The following RABGAP1 variants were observed in gnomAD, a reference collection of about 807,000 sequenced individuals.
The protein encoded by RABGAP1 is RAB GTPase activating protein 1, also known as rab GTPase-activating protein 1.
RABGAP1 carries 23 observed loss-of-function variants against 137.6 expected under a neutral mutation model. The ratio of observed to expected loss-of-function variants is 0.17; its 90% CI spans 0.12 to 0.24. The LOEUF (loss-of-function observed/expected upper bound fraction) is 0.24. Among genes scored for constraint, RABGAP1 ranks in the 10% least tolerant of loss-of-function variants. RABGAP1 has a pLI of 1.00. For synonymous variants in RABGAP1, 451 were observed against 450.7 expected (o/e 1.00, Z -0.01); for missense variants, 906 against 1,275.8 (o/e 0.71, Z 4.42).
intron 13 of RABGAP1, among the ~76,000 whole-genome samples, chr9:123,057,698 A>G (rs1349371026): frequency 6.6e-6 from 1 of 152,190 alleles, no homozygotes; most frequent in African/African-American, 2.4e-5. Flanking sequence ...GGGCCAAGGC[A>G]GGCAGCTGGT....
At chr9:123,074,643 C>A (rs1228788564) in intron 17 of RABGAP1, among the ~76,000 whole-genome samples, 1 of 152,192 alleles carries the variant, frequency 6.6e-6, no homozygotes, top group Non-Finnish European at 1.5e-5. Flanking sequence ...CTGAATTAGA[C>A]ATTTGTATTA....
At chr9:123,085,532 A>G (rs2034837264) in intron 19 of RABGAP1, among the ~76,000 whole-genome samples, 1 of 152,218 alleles carries the variant, frequency 6.6e-6, no homozygotes, top group Non-Finnish European at 1.5e-5. Context: ...TTGAATTTCA[A>G]ATTTAATTTT....
intron 21 of RABGAP1, 40 bp from the exon 22 acceptor site, chr9:123,097,701 C>A (rs747086961): frequency 1.9e-6 from 3 of 1,545,706 alleles, no homozygotes; most frequent in Admixed American, 3.9e-5. Flanking sequence ...TTTGCAGTTC[C>A]CAATTCTTGT....
chr9:123,051,309 G>A (rs113573415), intron 13 of RABGAP1, among the ~76,000 whole-genome samples: 40 of 127,448 alleles, frequency 3.1e-4, no homozygotes, highest in African/African-American at 1.0e-3. Context: ...GTGCAATGGC[G>A]CGATCTTGGC....
intron 19 of RABGAP1, among the ~76,000 whole-genome samples, chr9:123,081,216 TTA>T (rs2034695943): frequency 6.6e-6 from 1 of 152,222 alleles, no homozygotes; most frequent in Non-Finnish European, 1.5e-5. Flanking sequence ...TTAATTGACT[TTA>T]TGTTTTCATT....
At chr9:123,036,201 A>G (rs528434474) in intron 13 of RABGAP1, among the ~76,000 whole-genome samples, 63 of 152,364 alleles carry the variant, frequency 4.1e-4, no homozygotes, top group South Asian at 8.3e-4. Context: ...AGTAGGGTGA[A>G]TAATGTGAAC....
At chr9:122,956,838 T>G (rs1433374776) in intron 1 of RABGAP1, among the ~76,000 whole-genome samples, 173 bp from the exon 2 acceptor site, 1 of 152,064 alleles carries the variant, frequency 6.6e-6, no homozygotes, top group Non-Finnish European at 1.5e-5. Flanking sequence ...AGCATGAAAT[T>G]CCCTTATTAT....
At chr9:123,029,224 G>A in intron 13 of RABGAP1, 1 of 440,228 alleles carries the variant, frequency 2.3e-6, no homozygotes, top group African/African-American at 2.0e-5. Flanking sequence ...ATGAGTCAAA[G>A]TATCTCAAAT....
intron 2 of RABGAP1, among the ~76,000 whole-genome samples, chr9:122,973,081 T>A (rs1835555533): frequency 6.6e-6 from 1 of 152,028 alleles, no homozygotes; most frequent in African/African-American, 2.4e-5. Flanking sequence ...CATATCAAAA[T>A]GTGAGAACTT....
At chr9:123,080,692 A>T (rs1219124346) in intron 19 of RABGAP1, among the ~76,000 whole-genome samples, 1 of 152,098 alleles carries the variant, frequency 6.6e-6, no homozygotes, top group East Asian at 1.9e-4. Flanking sequence ...AGTCCATTAG[A>T]CCTCGAAAGG....
At chr9:123,059,059 A>G (rs1051520866) in intron 13 of RABGAP1, among the ~76,000 whole-genome samples, 4 of 152,230 alleles carry the variant, frequency 2.6e-5, no homozygotes, top group Admixed American at 6.5e-5. Flanking sequence ...TGAAGTGGTC[A>G]GTATGAAGGA....
At chr9:122,972,344 AT>A (rs1490928511) in intron 2 of RABGAP1, among the ~76,000 whole-genome samples, 2 of 152,130 alleles carry the variant, frequency 1.3e-5, no homozygotes, top group Non-Finnish European at 2.9e-5. Context: ...ATTTCTCTTG[AT>A]TTTGTGGATT....
intron 10 of RABGAP1, among the ~76,000 whole-genome samples, chr9:123,001,673 A>G (rs754004608): frequency 4.6e-5 from 7 of 152,196 alleles, no homozygotes; most frequent in Non-Finnish European, 8.8e-5. Context: ...TAGCTTGTTA[A>G]CTTTGAGCAA....
chr9:122,957,055 G>A lies in RABGAP1; in HGVS notation c.-5G>A, dbSNP rs1403395135. The A allele has an allele frequency of 3.3e-6, 5 of 1,497,660 alleles. No individual in the cohort carries two copies. The highest frequency in any genetic ancestry group is 2.8e-5 in the South Asian group (2 of 71,990). The allele number at this position is 1,497,660 out of a possible 1,614,324, so 92.8% of individuals were successfully genotyped here. A position where few individuals can be genotyped will look rare whatever the true frequency, so the allele number is the denominator to read the frequency against. On this transcript the variant is annotated 5_prime_UTR_variant, in exon 2 of 26. Transcript: ENST00000373647. ...CATTCATGTGTTGAGACTCATTCTT[G>A]AGTTATGGATGACAAGGCTTCTGTT...
chr9:123,004,687 C>A (rs1214922509), intron 10 of RABGAP1, among the ~76,000 whole-genome samples: 3 of 152,130 alleles, frequency 2.0e-5, no homozygotes, highest in Non-Finnish European at 4.4e-5. Context: ...ACAGGATTTT[C>A]TTTTTAAAAT....
At chr9:123,072,550 T>C (rs1437671743) in intron 15 of RABGAP1, among the ~76,000 whole-genome samples, 1 of 152,156 alleles carries the variant, frequency 6.6e-6, no homozygotes, top group African/African-American at 2.4e-5. Context: ...TAAGTGCTTG[T>C]TTAGAGTGAG....
chr9:123,098,128 C>T (rs752603645), intron 22 of RABGAP1, among the ~76,000 whole-genome samples: 48 of 152,190 alleles, frequency 3.2e-4, no homozygotes, highest in Non-Finnish European at 6.0e-4. Flanking sequence ...AGAAGGAAAG[C>T]ACACATCATA....
intron 1 of RABGAP1, among the ~76,000 whole-genome samples, chr9:122,951,607 G>A (rs1158192437): frequency 6.7e-6 from 1 of 150,062 alleles, no homozygotes; most frequent in Non-Finnish European, 1.5e-5. Context: ...GTCTCACTCT[G>A]TCACTTAGGC....
chr9:122,999,163 TTTA>T lies in RABGAP1; in HGVS notation c.1374+400_1374+402del, dbSNP rs577003552. On this transcript the variant is annotated intron_variant, in intron 10 of 25. Transcript: ENST00000373647. ...CCTTCCTATTCTTCTGGCTTTCATT[TTTA>T]TTGTTGTTGTTGTTGTTTGTTTGTT... 2.6e-3 allele frequency among the ~76,000 whole-genome samples: 399 copies of T among 152,136 alleles called. 1 individual carries two copies. Among genetic ancestry groups the T allele is most frequent in the Non-Finnish European group, 4.5e-3 (307 of 67,980 alleles).
Sources: allele counts gnomAD v4.1 joint callset (sites outside exome capture counted in the v4.1 genomes callset), GRCh38; gene constraint gnomAD v4.1.1; transcripts MANE v1.5; gene names NCBI Gene and HGNC (gene_info 2026-07-23, HGNC 2026-07-21).